Variants in PAK3 observed in about 807,000 individuals in gnomAD.
PAK3 encodes p21 (RAC1) activated kinase 3.
Under a neutral mutation model 41.0 loss-of-function variants are expected in PAK3, and 4 were observed. The observed-to-expected ratio is 0.10, with a 90% CI of 0.05 to 0.22. PAK3 has a LOEUF of 0.22. Among genes scored for constraint, PAK3 ranks in the 10% least tolerant of loss-of-function variants. The pLI is 1.00. For missense variants in PAK3, 205 were observed against 409.9 expected, an observed-to-expected ratio of 0.50 and a Z score of 4.32; for synonymous variants, 146 against 139.6, an observed-to-expected ratio of 1.05 and a Z score of -0.32.
At chrX:111,063,710 A>AATCTC (rs201426511) in intron 1 of PAK3, among the ~76,000 whole-genome samples, 5,037 of 109,940 alleles carry the variant, frequency 0.046, 289 homozygotes, top group African/African-American at 0.16. Flanking sequence ...GGTCACCTGT[A>AATCTC]AGCTACTTGC....
intron 4 of PAK3, among the ~76,000 whole-genome samples, chrX:111,103,653 C>A (rs188681998): frequency 9.6e-4 from 108 of 112,145 alleles, no homozygotes; most frequent in African/African-American, 3.1e-3. Flanking sequence ...CTTTTCTCCT[C>A]CTTTCCTGGT....
At chrX:111,100,451 G>A (rs920572130) in intron 3 of PAK3, among the ~76,000 whole-genome samples, 4 of 111,334 alleles carry the variant, frequency 3.6e-5, no homozygotes, top group Non-Finnish European at 7.5e-5. Context: ...CTTGTGCAGC[G>A]GTTACTCCTT....
chrX:111,035,125 AAAAAAAAAAGAAAGAAAG>A (rs1199708046), intron 1 of PAK3, among the ~76,000 whole-genome samples: 21 of 66,983 alleles, frequency 3.1e-4, no homozygotes, highest in Non-Finnish European at 5.6e-4. Context: ...AAAAAAAAAA[AAAAAAAAAAGAAAGAAAG>A]AAAGAAAGAA....
intron 1 of PAK3, among the ~76,000 whole-genome samples, chrX:111,072,050 A>G (rs1312192358): frequency 8.9e-6 from 1 of 111,991 alleles, no homozygotes; most frequent in African/African-American, 3.2e-5. Flanking sequence ...ACCCTTTCAC[A>G]TACATAATTA....
intron 4 of PAK3, among the ~76,000 whole-genome samples, chrX:111,104,805 C>T (rs2093222664): frequency 9.0e-6 from 1 of 110,864 alleles, no homozygotes. Flanking sequence ...GTGATACTAG[C>T]TGAAGTTAGG....
At chrX:111,094,387 C>T (rs189867199), upstream of PAK3, among the ~76,000 whole-genome samples, 2 of 111,243 alleles carry the variant, frequency 1.8e-5, no homozygotes, top group East Asian at 5.6e-4. Context: ...GGACTCATTT[C>T]GATACAAATC....
At chrX:110,948,567 C>A (rs141849194) in intron 1 of PAK3, among the ~76,000 whole-genome samples, 1 of 112,016 alleles carries the variant, frequency 8.9e-6, no homozygotes, top group Non-Finnish European at 1.9e-5. Context: ...CCCTTGACTG[C>A]TATTAATTCC....
intron 17 of PAK3, chrX:111,217,659 C>A (rs2094893622): frequency 1.1e-6 from 1 of 921,432 alleles, no homozygotes; most frequent in Non-Finnish European, 1.4e-6. Context: ...TTTCTGCTAC[C>A]TGCAAGCATT....
At chrX:111,110,884 A>G (rs914225089) in intron 4 of PAK3, among the ~76,000 whole-genome samples, 1 of 111,728 alleles carries the variant, frequency 9.0e-6, no homozygotes, top group African/African-American at 3.3e-5. Context: ...TTTTTGTAAC[A>G]TTTTTCTCAT....
At chrX:111,136,667 G>C (rs1434251310) in intron 5 of PAK3, among the ~76,000 whole-genome samples, 1 of 111,993 alleles carries the variant, frequency 8.9e-6, no homozygotes, top group Non-Finnish European at 1.9e-5. Flanking sequence ...GAAACAATTA[G>C]CAGGTTAGCC....
intron 6 of PAK3, chrX:111,146,656 G>A: frequency 2.1e-6 from 1 of 482,130 alleles, no homozygotes; most frequent in Non-Finnish European, 3.3e-6. Flanking sequence ...GTGCAGTAGA[G>A]TTGTTGCTTG....
chrX:111,105,781 G>T (rs1312707000), intron 4 of PAK3, among the ~76,000 whole-genome samples: 1 of 110,938 alleles, frequency 9.0e-6, no homozygotes, highest in Non-Finnish European at 1.9e-5. Context: ...TACCAAACTT[G>T]CAGGCACATA....
At chrX:111,219,190 AAATAATAATAATAATAAT>A (rs3062744) in intron 17 of PAK3, among the ~76,000 whole-genome samples, 3,724 of 84,355 alleles carry the variant, frequency 0.044, 207 homozygotes, top group African/African-American at 0.15. Flanking sequence ...AGTCCATCTC[AAATAATAATAATAATAAT>A]AATAATAATA....
intron 11 of PAK3, among the ~76,000 whole-genome samples, chrX:111,178,448 A>G (rs983241892): frequency 6.3e-5 from 7 of 111,779 alleles, no homozygotes; most frequent in African/African-American, 2.3e-4. Flanking sequence ...TAGAAAAATT[A>G]TTTAATTTCT....
intron 1 of PAK3, among the ~76,000 whole-genome samples, chrX:111,055,128 T>C (rs772664249): frequency 2.7e-5 from 3 of 111,986 alleles, no homozygotes; most frequent in Non-Finnish European, 5.6e-5. Context: ...TCCCTATATT[T>C]ACATGGACTC....
chrX:111,120,939 C>T (rs764813371), intron 4 of PAK3, among the ~76,000 whole-genome samples: 1 of 111,857 alleles, frequency 8.9e-6, no homozygotes, highest in East Asian at 2.8e-4. Flanking sequence ...CTGTCCAGTA[C>T]AGAATAATGC....
At chrX:111,096,921 G>A (rs2093009955) in intron 1 of PAK3, among the ~76,000 whole-genome samples, 1 of 83,735 alleles carries the variant, frequency 1.2e-5, no homozygotes, top group Admixed American at 1.5e-4. Context: ...CGAGGAAAGA[G>A]AAAAAGTGAC....
chrX:110,996,871 A>C, intron 1 of PAK3, among the ~76,000 whole-genome samples: 1 of 112,030 alleles, frequency 8.9e-6, no homozygotes, highest in Non-Finnish European at 1.9e-5. Context: ...CAGTCCAAGC[A>C]CATTAAGACA....
intron 6 of PAK3, 130 bp from the exon 7 acceptor site, chrX:111,147,607 A>C (rs2093965272): frequency 1.3e-5 from 7 of 547,474 alleles, no homozygotes; most frequent in Non-Finnish European, 2.3e-5. Flanking sequence ...TAAATCTAGA[A>C]TGTAACTTCA....
Sources: allele counts gnomAD v4.1 joint callset (sites outside exome capture counted in the v4.1 genomes callset), GRCh38; gene constraint gnomAD v4.1.1; transcripts MANE v1.5; gene names NCBI Gene and HGNC (gene_info 2026-07-23, HGNC 2026-07-21).